C8orf76: variants seen among roughly 807,000 people sequenced by gnomAD.
C8orf76 encodes the protein chromosome 8 open reading frame 76.
A neutral mutation model predicts 38.1 loss-of-function variants in C8orf76; 46 were observed. The ratio of observed to expected loss-of-function variants is 1.21; its 90% confidence interval spans 0.95 to 1.54. C8orf76 has a LOEUF of 1.54. Among genes scored for constraint, C8orf76 ranks in the 40% most tolerant of loss-of-function variants. The pLI, the probability that C8orf76 is intolerant of heterozygous loss-of-function variation, is 0.00. For synonymous variants in C8orf76, 166 were observed against 167.5 expected (o/e 0.99, Z 0.07); for missense variants, 461 against 441.6 (o/e 1.04, Z -0.39).
chr8:123,240,921 G>A (rs1279771256), intron 1 of C8orf76, among the ~76,000 whole-genome samples: 2 of 152,250 alleles, frequency 1.3e-5, no homozygotes, highest in Admixed American at 6.5e-5. Flanking sequence ...TAAGAGCAGT[G>A]AAGACAAACG....
In C8orf76 at chr8:123,224,387, C is replaced by T. The variant is rs554957837; in HGVS notation, c.948+2113G>A. 5.3e-5 allele frequency among the ~76,000 whole-genome samples: 8 copies of T among 152,128 alleles called. No individual in the cohort carries two copies. In the East Asian group the frequency reaches 7.7e-4, roughly 15 times the overall value. On this transcript the variant is annotated intron_variant, in intron 5 of 5. Coordinates refer to ENST00000276704, the MANE Select transcript of C8orf76 (RefSeq NM_032847.3). ...AGCACTTAGGGAGGCCAAGGCGGGA[C>T]GATCATTTGAGGCCAGGAGTTTGGG... is the stretch of plus-strand genomic sequence containing the variant.
At chr8:123,235,333 C>G (rs910639781) in intron 3 of C8orf76, among the ~76,000 whole-genome samples, 1 of 152,090 alleles carries the variant, frequency 6.6e-6, no homozygotes, top group Admixed American at 6.6e-5. Context: ...GACTTGCTGT[C>G]TATTTTGTTC....
chr8:123,231,073 C>G (rs1825246218), intron 4 of C8orf76, among the ~76,000 whole-genome samples: 1 of 152,238 alleles, frequency 6.6e-6, no homozygotes, highest in Non-Finnish European at 1.5e-5. Flanking sequence ...GCTGGGATTA[C>G]AGGTATGTGC....
rs138956285 is a variant in C8orf76, at chr8:123,231,420, C to G, written c.695G>C (p.Ser232Thr). Residue 232 changes from serine to threonine, a missense_variant, in exon 4 of 6, where the codon AGC becomes ACC. Coordinates refer to ENST00000276704, the MANE Select transcript of C8orf76 (RefSeq NM_032847.3). ...TTTCTCATTTTTCTGGCTATTACTG[C>G]TATTCGCTTCCACAGAAAATAAAGA... is the stretch of plus-strand genomic sequence containing the variant. ...ESSLFSVEAN[S>T]SNSQKNEKAL... The G allele has an allele frequency of 8.7e-6, 14 of 1,614,094 alleles. No individual in the cohort carries two copies. The highest frequency in any genetic ancestry group is 1.1e-5 in the Non-Finnish European group (13 of 1,180,056).
intron 3 of C8orf76, among the ~76,000 whole-genome samples, chr8:123,233,171 C>A (rs1291343467): frequency 6.6e-6 from 1 of 152,024 alleles, no homozygotes; most frequent in Non-Finnish European, 1.5e-5. Context: ...CGGGTGCCTG[C>A]CACCACACCC....
At chr8:123,225,619 G>A (rs2131134877) in intron 5 of C8orf76, among the ~76,000 whole-genome samples, 1 of 152,290 alleles carries the variant, frequency 6.6e-6, no homozygotes, top group South Asian at 2.1e-4. Context: ...ACAAACCAGT[G>A]TAGCCTCTCA....
chr8:123,221,426 T>C (rs1000952280), intron 5 of C8orf76, among the ~76,000 whole-genome samples: 1 of 152,054 alleles, frequency 6.6e-6, no homozygotes, highest in Non-Finnish European at 1.5e-5. Flanking sequence ...AAGATCCCCG[T>C]CCCTACAAAA....
chr8:123,237,875 C>T lies in C8orf76; in HGVS notation c.280G>A (p.Asp94Asn), dbSNP rs776093233. Residue 94 changes from aspartate to asparagine, a missense_variant, in exon 3 of 6, where the codon GAT (aspartate) becomes AAT (asparagine). Coordinates refer to ENST00000276704, the MANE Select transcript of C8orf76 (RefSeq NM_032847.3). ...CACCGAGCCTGACCTTCCTGGACAT[C>T]CCTTTTCATGGCAAAATTGGTTGAT... Reference protein sequence around the residue: ...LSSTNFAMKRDVQEGQARCLA... With the variant: ...LSSTNFAMKRNVQEGQARCLA... The T allele has an allele frequency of 5.6e-6, 9 of 1,613,940 alleles. No homozygotes were observed. In the Admixed American group the frequency reaches 6.7e-5, roughly 12 times the overall value.
chr8:123,240,914 G>A (rs1470081179), intron 1 of C8orf76, among the ~76,000 whole-genome samples: 1 of 152,224 alleles, frequency 6.6e-6, no homozygotes, highest in Non-Finnish European at 1.5e-5. Context: ...CCAGCTGTAA[G>A]AGCAGTGAAG....
chr8:123,231,840 G>A, intron 3 of C8orf76, 83 bp from the exon 4 acceptor site: 16 of 1,382,572 alleles, frequency 1.2e-5, no homozygotes, highest in Non-Finnish European at 1.5e-5. Flanking sequence ...AAACCAAGTT[G>A]TATATGTTAT....
At chr8:123,236,795 A>G (rs890329687) in intron 3 of C8orf76, 5 of 570,180 alleles carry the variant, frequency 8.8e-6, no homozygotes, top group African/African-American at 1.9e-5. Flanking sequence ...AAAAAAAAAA[A>G]AAAGAAAGAA....
chr8:123,231,880 G>A (rs1488064248), intron 3 of C8orf76, 123 bp from the exon 4 acceptor site: 5 of 1,017,740 alleles, frequency 4.9e-6, no homozygotes, highest in African/African-American at 1.6e-5. Flanking sequence ...GTAGCTATAC[G>A]AGTGACCTAA....
At chr8:123,232,861 C>T (rs1428937372) in intron 3 of C8orf76, among the ~76,000 whole-genome samples, 1 of 152,136 alleles carries the variant, frequency 6.6e-6, no homozygotes, top group Non-Finnish European at 1.5e-5. Flanking sequence ...TAGTACAGAG[C>T]ACAGCTCCTC....
intron 2 of C8orf76, 137 bp downstream of exon 2, chr8:123,238,912 C>G: frequency 1.2e-6 from 1 of 822,130 alleles, no homozygotes; most frequent in Non-Finnish European, 1.9e-6. Flanking sequence ...AACTTGGGAG[C>G]CTCAGATTAT....
rs1276111118 is a variant in C8orf76 at position 123,226,508 on chromosome 8, T to C, written c.940A>G (p.Ile314Val). ...FSFKEDTLLL[I>V]AEVMGEDIPE... Reference sequence around the variant, plus strand: ...CCGAGGGATACACTCACCTCAGCTATCAACAGCAAAGTGTCTTCTTTGAAG... The same window carrying C: ...CCGAGGGATACACTCACCTCAGCTACCAACAGCAAAGTGTCTTCTTTGAAG... The change falls in exon 5 of 6, where the codon ATA becomes GTA. Residue 314 changes from isoleucine to valine, a missense_variant. Physicochemically the swap from Ile to Val is conservative, Grantham distance 29 (BLOSUM62 3). Transcript: ENST00000276704. The C allele has an allele frequency of 1.2e-6, 2 of 1,612,868 alleles. No homozygotes were observed. The highest frequency in any genetic ancestry group is 1.7e-6 in the Non-Finnish European group (2 of 1,179,744).
At chr8:123,238,260 G>A (rs117287535) in intron 2 of C8orf76, among the ~76,000 whole-genome samples, 5,945 of 152,170 alleles carry the variant, frequency 0.039, 430 homozygotes, top group Admixed American at 0.18. Flanking sequence ...CAGGAGATCT[G>A]ATAGTTTCAT....
At position 123,220,241 on chromosome 8, in the gene C8orf76, C is replaced by T; in HGVS notation, c.1005G>A (p.Lys335=). 2 of 1,612,948 alleles carry T rather than the reference C, an allele frequency of 1.2e-6. No homozygotes were observed. Among genetic ancestry groups the T allele is most frequent in the Non-Finnish European group, 1.7e-6 (2 of 1,179,520 alleles). ...KIKDEVHPEV[K]CVGSVALTAL... ...CAGTCAGGGCTACGGAGCCAACACA[C>T]TTCACCTCTGGGTGAACTTCATCTT... Residue 335 remains lysine (K), a synonymous_variant, in exon 6 of 6, where the codon AAG becomes AAA. Coordinates refer to ENST00000276704, the MANE Select transcript of C8orf76 (RefSeq NM_032847.3).
intron 2 of C8orf76, 99 bp from the exon 3 acceptor site, chr8:123,238,040 T>C: frequency 7.6e-7 from 1 of 1,316,834 alleles, no homozygotes; most frequent in Admixed American, 2.7e-5. Flanking sequence ...TGGAAAGTAA[T>C]GTTATAACTG....
At chr8:123,241,147 G>T (rs953130653) in intron 1 of C8orf76, 83 bp downstream of exon 1, 3 of 1,373,130 alleles carry the variant, frequency 2.2e-6, no homozygotes, top group South Asian at 1.4e-5. Flanking sequence ...TCGCGCGGAC[G>T]GAGGGGCCGA....
Sources: gnomAD v4.1 joint callset for allele counts (sites outside exome capture counted in the v4.1 genomes callset) on GRCh38, gnomAD v4.1.1 for gene constraint, MANE v1.5 for transcripts, NCBI Gene and HGNC (gene_info 2026-07-23, HGNC 2026-07-21) for gene names.